The following FBXL12 variants were observed in gnomAD, a reference collection of about 807,000 sequenced individuals.
The protein encoded by FBXL12 is F-box and leucine rich repeat protein 12.
Under a neutral mutation model 24.9 loss-of-function variants are expected in FBXL12, and 22 were observed. The observed-to-expected ratio is 0.88, with a 90% CI of 0.63 to 1.26. FBXL12 has a LOEUF of 1.26. FBXL12 is among the 50% of genes most tolerant of loss of function. The pLI, the probability that FBXL12 is intolerant of heterozygous loss-of-function variation, is 0.00. For missense variants in FBXL12, 384 were observed against 434.1 expected (o/e 0.88, Z 1.03); for synonymous variants, 193 against 193.8 (o/e 1.00, Z 0.03).
intron 2 of FBXL12, among the ~76,000 whole-genome samples, chr19:9,814,827 T>G (rs2045845777): frequency 6.6e-6 from 1 of 152,068 alleles, no homozygotes; most frequent in African/African-American, 2.4e-5. Context: ...GCCCCCAAGA[T>G]TCAATTATTT....
Position 9,818,583 on chromosome 19 carries a change from G to C in FBXL12, c.121C>G (p.Arg41Gly). ...AGGTCGACATGTCGCCACAGCCACC[G>C]GTCGTCCACCAGCCTCTTCCAGCGG... ...CHRWKRLVDD[R>G]WLWRHVDLTL... Residue 41 changes from arginine (R) to glycine (G), a missense_variant, in exon 2 of 3, where the codon CGG (arginine) becomes GGG (glycine). Arg to Gly is a moderately radical substitution (Grantham distance 125, BLOSUM62 -2). Coordinates refer to ENST00000247977, the MANE Select transcript of FBXL12 (RefSeq NM_017703.3). 6.4e-7 allele frequency: 1 copy of C among 1,554,556 alleles called. No individual in the cohort carries two copies. Among genetic ancestry groups the C allele is most frequent in the Non-Finnish European group, 8.7e-7 (1 of 1,151,062 alleles).
chr19:9,818,394 T>C lies in FBXL12; in HGVS notation c.159+151A>G, dbSNP rs557941213. On this transcript the variant is annotated intron_variant, in intron 2 of 2. Coordinates refer to ENST00000247977, the MANE Select transcript of FBXL12 (RefSeq NM_017703.3). Reference sequence around the variant, plus strand: ...TGAGGCCCTGAGGTCGAAGAGGAGCTGGTAAGCGATGATGCCGAGATAGGC... The same window carrying C: ...TGAGGCCCTGAGGTCGAAGAGGAGCCGGTAAGCGATGATGCCGAGATAGGC... 2.2e-5 allele frequency: 17 copies of C among 768,080 alleles called. No homozygotes were observed. The East Asian group carries it at 4.6e-4, about 21-fold the overall frequency. The allele number at this position is 768,080 out of a possible 1,614,324, so 47.6% of individuals were successfully genotyped here. A position where few individuals can be genotyped will look rare whatever the true frequency, so the allele number is the denominator to read the frequency against.
chr19:9,818,362 A>G (rs10416236), intron 2 of FBXL12, 183 bp downstream of exon 2: 158,147 of 632,182 alleles, frequency 0.25, 28,369 homozygotes, highest in African/African-American at 0.73. Context: ...TGCAGGGATG[A>G]GGAAATTGAG....
At chr19:9,818,644 C>A in intron 1 of FBXL12, 27 bp from the exon 2 acceptor site, 1 of 1,550,686 alleles carries the variant, frequency 6.4e-7, no homozygotes, top group South Asian at 1.2e-5. Context: ...GCGGTTAGAA[C>A]GACCCCAGCC....
rs1245490860 is a variant in FBXL12, at chr19:9,818,889, G to C, written c.-76C>G. The C allele has an allele frequency of 2.2e-6, 3 of 1,387,208 alleles. No individual in the cohort carries two copies. In the East Asian group the frequency reaches 7.6e-5, roughly 35 times the overall value. The allele number at this position is 1,387,208 out of a possible 1,614,324, so 85.9% of individuals were successfully genotyped here. ...CTGGGGGCGCCGAGGCGGCTGACAG[G>C]GCGGCGGCCGCGACCTTCCCGTAGC... On this transcript the variant is annotated 5_prime_UTR_variant, in exon 1 of 3. Coordinates refer to ENST00000247977, the MANE Select transcript of FBXL12 (RefSeq NM_017703.3).
Position 9,811,765 on chromosome 19 carries a change from C to T in FBXL12, c.160-48G>A, listed in dbSNP as rs1437247800. The T allele has an allele frequency of 2.1e-6, 3 of 1,451,912 alleles. No homozygotes were observed. The highest frequency in any genetic ancestry group is 1.4e-5 in the African/African-American group (1 of 70,502). The allele number at this position is 1,451,912 out of a possible 1,614,324, so 89.9% of individuals were successfully genotyped here. A position where few individuals can be genotyped will look rare whatever the true frequency, so the allele number is the denominator to read the frequency against. On this transcript the variant is annotated intron_variant, in intron 2 of 2. Coordinates refer to ENST00000247977, the MANE Select transcript of FBXL12 (RefSeq NM_017703.3). The surrounding 1 kb of genome is among the most constrained non-coding windows in gnomAD (Gnocchi z 6.0). ...TGACAGAGTGAGAGGTATGGAGCTT[C>T]CAAGGCCCCTGCTGGGCTGGAGACA...
chr19:9,813,577 C>G (rs756274873), intron 2 of FBXL12, among the ~76,000 whole-genome samples: 16 of 151,252 alleles, frequency 1.1e-4, no homozygotes, highest in Non-Finnish European at 1.8e-4. Context: ...TCTCGGCTCA[C>G]TGCAATCTCC....
At position 9,811,720 on chromosome 19, in the gene FBXL12, G is replaced by GT. The variant is rs1204899667; in HGVS notation, c.160-4dup. 2 of 1,508,484 alleles carry GT rather than the reference G, an allele frequency of 1.3e-6. No homozygotes were observed. The highest frequency in any genetic ancestry group is 2.8e-5 in the African/African-American group (2 of 71,526). The allele number at this position is 1,508,484 out of a possible 1,614,324, so 93.4% of individuals were successfully genotyped here. ...TGCCACATGACTTTAGGTCGCATCTGTAAGAGCCAGAGATTGGGGTGACAG... is the reference window on the plus strand; with the variant it reads ...TGCCACATGACTTTAGGTCGCATCTGTTAAGAGCCAGAGATTGGGGTGACAG... On this transcript the variant is annotated splice_region_variant and splice_polypyrimidine_tract_variant and intron_variant, in intron 2 of 2. Transcript: ENST00000247977. This position sits in a 1 kb window ranked among gnomAD's most constrained non-coding sequence, Gnocchi z 6.0.
chr19:9,816,954 G>C (rs1178727331), intron 2 of FBXL12, among the ~76,000 whole-genome samples: 1 of 152,054 alleles, frequency 6.6e-6, no homozygotes, highest in East Asian at 1.9e-4. Context: ...AAGAAAATGA[G>C]AAAGAAGCAA....
chr19:9,811,047 G>A lies in FBXL12; in HGVS notation c.830C>T (p.Ser277Phe). 3.7e-6 allele frequency: 6 copies of A among 1,613,428 alleles called. No individual in the cohort carries two copies. Among genetic ancestry groups the A allele is most frequent in the Non-Finnish European group, 5.1e-6 (6 of 1,179,546 alleles). ...EMPSPTEILS[S>F]CLTMPKLRVL... ...TCTGAGCTTGGGCATAGTGAGGCAGGAGGAGAGGATTTCAGTGGGGGAGGG... is the reference window on the plus strand; with the variant it reads ...TCTGAGCTTGGGCATAGTGAGGCAGAAGGAGAGGATTTCAGTGGGGGAGGG... Residue 277 changes from serine (S) to phenylalanine (F), a missense_variant, in exon 3 of 3, where the codon TCC (serine) becomes TTC (phenylalanine). Physicochemically the swap from Ser to Phe is radical, Grantham distance 155. Transcript: ENST00000247977. The surrounding 1 kb of genome is among the most constrained non-coding windows in gnomAD (Gnocchi z 6.0).
rs1437158812 is a variant in FBXL12 at position 9,811,091 on chromosome 19, G to A, written c.786C>T (p.Pro262=). 1.1e-5 allele frequency: 17 copies of A among 1,610,322 alleles called. No homozygotes were observed. The highest frequency in any genetic ancestry group is 1.4e-5 in the Non-Finnish European group (17 of 1,177,104). The change falls in exon 3 of 3, where the codon CCC becomes CCT. Residue 262 remains proline (P), a synonymous_variant. Coordinates refer to ENST00000247977, the MANE Select transcript of FBXL12 (RefSeq NM_017703.3). This position sits in a 1 kb window ranked among gnomAD's most constrained non-coding sequence, Gnocchi z 6.0. The part of the protein sequence containing the change: ...PALESLCLQG[P]LVTPEMPSPT... ...GGGAGGGCATTTCTGGGGTGACGAG[G>A]GGACCCTGCAGGCACAGACTCTCCA...
In FBXL12 at chr19:9,818,159, A is replaced by C. The variant is rs919304669; in HGVS notation, c.159+386T>G. ...CTTGGGAGGTCGAGGCTGCAATCGC[A>C]CCACTGCACTCCAGCCTGAGCAGCA... is the stretch of plus-strand genomic sequence containing the variant. On this transcript the variant is annotated intron_variant, in intron 2 of 2. Coordinates refer to ENST00000247977, the MANE Select transcript of FBXL12 (RefSeq NM_017703.3). 5 of 406,012 alleles carry C rather than the reference A, an allele frequency of 1.2e-5. No homozygotes were observed. In the East Asian group the frequency reaches 1.8e-4, roughly 14 times the overall value. 25.2% of individuals were successfully genotyped at this position (406,012 alleles called of 1,614,324 possible). A position where few individuals can be genotyped will look rare whatever the true frequency, so the allele number is the denominator to read the frequency against.
intron 2 of FBXL12, among the ~76,000 whole-genome samples, chr19:9,817,029 T>C (rs997594440): frequency 1.3e-5 from 2 of 152,152 alleles, no homozygotes; most frequent in South Asian, 2.1e-4. Flanking sequence ...AAGAATAGCA[T>C]GGGAAAGACT....
At position 9,811,408 on chromosome 19, in the gene FBXL12, C is replaced by A; in HGVS notation, c.469G>T (p.Val157Leu). The A allele has an allele frequency of 6.2e-7, 1 of 1,613,314 alleles. No homozygotes were observed. Among genetic ancestry groups the A allele is most frequent in the South Asian group, 1.1e-5 (1 of 91,092 alleles). The change falls in exon 3 of 3, where the codon GTG (valine) becomes TTG (leucine). Residue 157 changes from valine (V) to leucine (L), a missense_variant. By Grantham distance (32) the Val-to-Leu change is conservative. Transcript: ENST00000247977. This position sits in a 1 kb window ranked among gnomAD's most constrained non-coding sequence, Gnocchi z 6.0. Reference protein sequence around the residue: ...PTVLPLLECIVLDRVPAFRDE... With the variant: ...PTVLPLLECILLDRVPAFRDE... ...CGGAAGGCGGGGACGCGGTCCAGCA[C>A]GATGCATTCAAGCAGGGGCAGCACG...
Position 9,811,386 on chromosome 19 carries a change from A to T in FBXL12, c.491T>A (p.Phe164Tyr). 1.2e-6 allele frequency: 2 copies of T among 1,612,766 alleles called. No homozygotes were observed. Among genetic ancestry groups the T allele is most frequent in the South Asian group, 1.1e-5 (1 of 91,080 alleles). The change falls in exon 3 of 3, where the codon TTC becomes TAC. Residue 164 changes from phenylalanine (F) to tyrosine (Y), a missense_variant. By Grantham distance (22) the Phe-to-Tyr change is conservative. Transcript: ENST00000247977. The surrounding 1 kb of genome is among the most constrained non-coding windows in gnomAD (Gnocchi z 6.0). ...ECIVLDRVPA[F>Y]RDEHLQGLTR... ...CAGGCCCTGCAGGTGCTCGTCACGG[A>T]AGGCGGGGACGCGGTCCAGCACGAT...
rs773277520 is a variant in FBXL12 at position 9,811,338 on chromosome 19, G to A, written c.539C>T (p.Ser180Leu). 2.0e-5 allele frequency: 32 copies of A among 1,609,866 alleles called. No homozygotes were observed. The highest frequency in any genetic ancestry group is 2.2e-5 in the Non-Finnish European group (26 of 1,179,966). Reference sequence around the variant, plus strand: ...ACGGTAGGTACCACCCAGCACCAGCGAGCGCAAGGCCCGGAAGCGCGTCAG... The same window carrying A: ...ACGGTAGGTACCACCCAGCACCAGCAAGCGCAAGGCCCGGAAGCGCGTCAG... ...QGLTRFRALR[S>L]LVLGGTYRVT... Residue 180 changes from serine (S) to leucine (L), a missense_variant, in exon 3 of 3, where the codon TCG (serine) becomes TTG (leucine). Ser to Leu is a moderately radical substitution (Grantham distance 145, BLOSUM62 -2). Coordinates refer to ENST00000247977, the MANE Select transcript of FBXL12 (RefSeq NM_017703.3). This position sits in a 1 kb window ranked among gnomAD's most constrained non-coding sequence, Gnocchi z 6.0.
In FBXL12 at chr19:9,810,554, C is replaced by T. The variant is rs747056533; in HGVS notation, c.*342G>A. On this transcript the variant is annotated 3_prime_UTR_variant, in exon 3 of 3. Transcript: ENST00000247977. ...GTCTTAACCCCACCCCTTCTTCATC[C>T]GTCCTGTTCCTGAAGACGACCATGA... is the stretch of plus-strand genomic sequence containing the variant. 6 of 204,622 alleles carry T rather than the reference C, an allele frequency of 2.9e-5. No individual in the cohort carries two copies. Among genetic ancestry groups the T allele is most frequent in the Non-Finnish European group, 5.0e-5 (5 of 99,208 alleles). The allele number at this position is 204,622 out of a possible 1,614,324, so 12.7% of individuals were successfully genotyped here. A position where few individuals can be genotyped will look rare whatever the true frequency, so the allele number is the denominator to read the frequency against.
intron 2 of FBXL12, chr19:9,818,272 T>A: frequency 2.0e-6 from 1 of 505,014 alleles, no homozygotes; most frequent in East Asian, 3.1e-5. Flanking sequence ...TGTGCCAGAC[T>A]GTTCTAAGCC....
At chr19:9,818,492 G>A (rs1295084169) in intron 2 of FBXL12, 53 bp downstream of exon 2, 3 of 1,518,872 alleles carry the variant, frequency 2.0e-6, no homozygotes, top group Non-Finnish European at 1.8e-6. Context: ...GGTGGTCTTC[G>A]GGGTCCGGGC....
Sources: allele counts gnomAD v4.1 joint callset (sites outside exome capture counted in the v4.1 genomes callset), GRCh38; gene constraint gnomAD v4.1.1; non-coding constraint Gnocchi (gnomAD v3.1); transcripts MANE v1.5; gene names NCBI Gene and HGNC (gene_info 2026-07-23, HGNC 2026-07-21).